Variants in PTPRD observed in about 807,000 individuals in gnomAD.
PTPRD encodes protein tyrosine phosphatase receptor type D.
PTPRD carries 34 observed loss-of-function variants against 214.5 expected under a neutral mutation model. That is an observed-to-expected ratio of 0.16 (90% CI 0.12 to 0.21). PTPRD has a LOEUF of 0.21. Ranked by LOEUF, PTPRD falls within the 10% of genes least tolerant of loss-of-function variation. The pLI is 1.00. For missense variants in PTPRD, 2,545 were observed against 2,398.7 expected (o/e 1.06, Z -1.27); for synonymous variants, 1,128 against 845.7 (o/e 1.33, Z -5.79).
At chr9:9,333,512 A>G (rs2043183686) in intron 9 of PTPRD, among the ~76,000 whole-genome samples, 1 of 145,862 alleles carries the variant, frequency 6.9e-6, no homozygotes, top group African/African-American at 2.6e-5. Context: ...TATTATATAT[A>G]TATATATATA....
At chr9:8,796,591 T>C (rs2096432130) in intron 11 of PTPRD, among the ~76,000 whole-genome samples, 1 of 152,194 alleles carries the variant, frequency 6.6e-6, no homozygotes, top group African/African-American at 2.4e-5. Context: ...CTGTGGCTTT[T>C]TTATTTGGAT....
rs372008170 is a variant in PTPRD, at chr9:9,429,413, C to A, written c.-236-31931G>T. Among the ~76,000 whole-genome samples, 5 of 152,126 alleles carry A rather than the reference C, an allele frequency of 3.3e-5. No homozygotes were observed. In the East Asian group the frequency reaches 9.7e-4, roughly 30 times the overall value. ...CTGAAATTGAGGCAATAATGAAGAG[C>A]CTACTGACCAAAAAAAGTCCATGAC... On this transcript the variant is annotated intron_variant, in intron 8 of 45. Coordinates refer to ENST00000381196, the MANE Select transcript of PTPRD (RefSeq NM_002839.4).
intron 8 of PTPRD, among the ~76,000 whole-genome samples, chr9:9,540,346 G>A (rs2077329756): frequency 6.6e-6 from 1 of 151,788 alleles, no homozygotes; most frequent in South Asian, 2.1e-4. Context: ...TCTACCTCCT[G>A]GAGATCATGG....
At chr9:9,809,007 A>C (rs1169663549) in intron 5 of PTPRD, among the ~76,000 whole-genome samples, 1 of 150,640 alleles carries the variant, frequency 6.6e-6, no homozygotes, top group African/African-American at 2.4e-5. Flanking sequence ...GCTAGTCTCA[A>C]ATTTTTAGCC....
intron 10 of PTPRD, among the ~76,000 whole-genome samples, chr9:9,088,581 G>GAAAAAAAA (rs533619970): frequency 0.12 from 4,055 of 32,998 alleles, 692 homozygotes; most frequent in Middle Eastern, 0.36. Flanking sequence ...CTTAGTCTCA[G>GAAAAAAAA]AAAAAAAAAA....
chr9:8,629,258 C>A (rs1432215165), intron 14 of PTPRD, among the ~76,000 whole-genome samples: 1 of 151,654 alleles, frequency 6.6e-6, no homozygotes, highest in Non-Finnish European at 1.5e-5. Flanking sequence ...TCCTCTTGCC[C>A]AAAAGAAGCA....
chr9:9,835,639 T>A (rs1400531235), intron 5 of PTPRD, among the ~76,000 whole-genome samples: 1 of 152,142 alleles, frequency 6.6e-6, no homozygotes. Flanking sequence ...TGACAGAGTC[T>A]GAGTATGAAA....
intron 3 of PTPRD, among the ~76,000 whole-genome samples, chr9:10,309,530 T>C (rs538545131): frequency 6.6e-6 from 1 of 151,220 alleles, no homozygotes; most frequent in Non-Finnish European, 1.5e-5. Flanking sequence ...TTCTTTTTTT[T>C]TTTTTTGTAT....
chr9:9,412,082 A>T (rs2141958510), intron 8 of PTPRD, among the ~76,000 whole-genome samples: 1 of 152,316 alleles, frequency 6.6e-6, no homozygotes, highest in South Asian at 2.1e-4. Context: ...AAAAGCGATT[A>T]TACAGCCAAA....
chr9:8,334,110 G>A (rs1844264731), intron 43 of PTPRD, among the ~76,000 whole-genome samples: 1 of 152,074 alleles, frequency 6.6e-6, no homozygotes, highest in Admixed American at 6.6e-5. Context: ...ACACCCCACT[G>A]TCAATATTAG....
At chr9:10,423,009 T>G (rs57921855) in intron 2 of PTPRD, among the ~76,000 whole-genome samples, 1 of 152,088 alleles carries the variant, frequency 6.6e-6, no homozygotes, top group African/African-American at 2.4e-5. Context: ...TGCACACATA[T>G]GTTTATTGTG....
At chr9:8,880,348 G>C (rs1467355960) in intron 11 of PTPRD, among the ~76,000 whole-genome samples, 1 of 152,126 alleles carries the variant, frequency 6.6e-6, no homozygotes, top group Non-Finnish European at 1.5e-5. Flanking sequence ...TCAATGCTAG[G>C]TCTGGCGCAT....
chr9:8,746,758 C>G (rs1204583080), intron 11 of PTPRD, among the ~76,000 whole-genome samples: 1 of 152,162 alleles, frequency 6.6e-6, no homozygotes, highest in African/African-American at 2.4e-5. Flanking sequence ...CTTTCAGAGG[C>G]TGAGGCAGGA....
intron 9 of PTPRD, among the ~76,000 whole-genome samples, chr9:9,221,851 C>T (rs1021938980): frequency 3.3e-5 from 5 of 151,936 alleles, no homozygotes; most frequent in South Asian, 2.1e-4. Context: ...GTTGCACAAA[C>T]GCTGTACCTA....
intron 11 of PTPRD, among the ~76,000 whole-genome samples, chr9:8,985,580 G>C (rs1368679): frequency 6.6e-6 from 1 of 151,390 alleles, no homozygotes; most frequent in Non-Finnish European, 1.5e-5. Flanking sequence ...GATTATACAC[G>C]CAGGGATAGT....
At chr9:9,667,406 C>A (rs569844782) in intron 7 of PTPRD, among the ~76,000 whole-genome samples, 1 of 152,090 alleles carries the variant, frequency 6.6e-6, no homozygotes, top group African/African-American at 2.4e-5. Context: ...GTATTGTGAT[C>A]ACAGCCAGCA....
At chr9:9,352,155 G>C (rs746620787) in intron 9 of PTPRD, among the ~76,000 whole-genome samples, 43 of 151,638 alleles carry the variant, frequency 2.8e-4, no homozygotes, top group Non-Finnish European at 5.0e-4. Context: ...CATATCTTTG[G>C]AACCATTCCC....
chr9:9,071,411 C>T (rs1263121325), intron 10 of PTPRD, among the ~76,000 whole-genome samples: 4 of 152,052 alleles, frequency 2.6e-5, no homozygotes, highest in Admixed American at 2.6e-4. Flanking sequence ...AGGTAAAAGC[C>T]CTTACAAAAA....
chr9:10,252,239 T>A (rs1447067793), intron 3 of PTPRD, among the ~76,000 whole-genome samples: 2 of 152,282 alleles, frequency 1.3e-5, no homozygotes, highest in East Asian at 3.9e-4. Context: ...ACGATGGACA[T>A]GAAATGGTGT....
Sources: gnomAD v4.1 joint callset for allele counts (sites outside exome capture counted in the v4.1 genomes callset) on GRCh38, gnomAD v4.1.1 for gene constraint, MANE v1.5 for transcripts, NCBI Gene and HGNC (gene_info 2026-07-23, HGNC 2026-07-21) for gene names.